VTCN1: variants seen among roughly 807,000 people sequenced by gnomAD.
VTCN1 encodes V-set domain-containing T-cell activation inhibitor 1.
A neutral mutation model predicts 26.5 loss-of-function variants in VTCN1; 26 were observed. That is an observed-to-expected ratio of 0.98 (90% CI 0.72 to 1.36). The LOEUF (loss-of-function observed/expected upper bound fraction) is 1.36, where lower values mean the gene tolerates loss of function less well. Ranked by LOEUF, VTCN1 falls within the 40% of genes most tolerant of loss-of-function variation. The probability of loss-of-function intolerance (pLI) is 0.00; values close to 1 mark genes in which losing one functional copy is unlikely to be tolerated. For synonymous variants in VTCN1, 116 were observed against 130.7 expected (o/e 0.89, Z 0.77); for missense variants, 298 against 337.7 (o/e 0.88, Z 0.92).
At chr1:117,157,059 CAAG>C (rs1652120914) in intron 2 of VTCN1, 138 bp from the exon 3 acceptor site, 1 of 1,480,776 alleles carries the variant, frequency 6.8e-7, no homozygotes, top group Middle Eastern at 1.8e-4. Context: ...AATAAGAAGA[CAAG>C]AAGAGAAAGA....
intron 1 of VTCN1, among the ~76,000 whole-genome samples, chr1:117,189,519 G>C (rs1033733630): frequency 1.3e-5 from 2 of 152,150 alleles, no homozygotes; most frequent in African/African-American, 4.8e-5. Context: ...CAGATGACCT[G>C]CTTTACCCGA....
chr1:117,147,437 T>C lies in VTCN1; in HGVS notation c.*45+176A>G, dbSNP rs1286767153. ...CCTATGGGTCTGTCAATGAAGTCTATGCTGTTTGCTGACCTAACAAATGAT... is the reference window on the plus strand; with the variant it reads ...CCTATGGGTCTGTCAATGAAGTCTACGCTGTTTGCTGACCTAACAAATGAT... On this transcript the variant is annotated intron_variant, in intron 5 of 5. Coordinates refer to ENST00000369458, the MANE Select transcript of VTCN1 (RefSeq NM_024626.4). The surrounding 1 kb of genome is among the most constrained non-coding windows in gnomAD (Gnocchi z 4.6). 3.9e-5 allele frequency among the ~76,000 whole-genome samples: 6 copies of C among 152,224 alleles called. No homozygotes were observed. The highest frequency in any genetic ancestry group is 1.3e-4 in the Admixed American group (2 of 15,280).
chr1:117,205,919 G>A (rs1249082506), intron 1 of VTCN1, among the ~76,000 whole-genome samples: 1 of 152,058 alleles, frequency 6.6e-6, no homozygotes, highest in East Asian at 1.9e-4. Context: ...GTTGTTCTTG[G>A]TGTCAGCAGT....
rs1647789412 is a variant in VTCN1, at chr1:117,183,801, A to T, written c.33-13630T>A. ...ATGCTGAATAAAAAGAAAAAAATAA[A>T]AGACAAAACCACACACACATTTTTG... On this transcript the variant is annotated intron_variant, in intron 1 of 5. Coordinates refer to ENST00000369458, the MANE Select transcript of VTCN1 (RefSeq NM_024626.4). The surrounding 1 kb of genome is among the most constrained non-coding windows in gnomAD (Gnocchi z 4.1). 6.6e-6 allele frequency among the ~76,000 whole-genome samples: 1 copy of T among 152,240 alleles called. No individual in the cohort carries two copies. Among genetic ancestry groups the T allele is most frequent in the Non-Finnish European group, 1.5e-5 (1 of 68,046 alleles).
At position 117,183,697 on chromosome 1, in the gene VTCN1, G is replaced by A. The variant is rs927757972; in HGVS notation, c.33-13526C>T. On this transcript the variant is annotated intron_variant, in intron 1 of 5. Transcript: ENST00000369458. The surrounding 1 kb of genome is among the most constrained non-coding windows in gnomAD (Gnocchi z 4.1). ...GTTTCTCTAAAAGAGAAAGGACATT[G>A]TAGGGAATGAAGAGTTAAATTTCCA... Among the ~76,000 whole-genome samples, 2 of 152,146 alleles carry A rather than the reference G, an allele frequency of 1.3e-5. No individual in the cohort carries two copies. Among genetic ancestry groups the A allele is most frequent in the Non-Finnish European group, 2.9e-5 (2 of 68,028 alleles).
Position 117,196,480 on chromosome 1 carries a change from G to A in VTCN1, c.32+14344C>T, listed in dbSNP as rs557155497. Among the ~76,000 whole-genome samples the A allele has an allele frequency of 2.7e-4, 41 of 151,752 alleles. 1 individual carries two copies. In the South Asian group the frequency reaches 4.2e-3, roughly 15 times the overall value. ...TAGTGGTTATCTCTAGGTTAGGACC[G>A]ATAGATATTTTTTTCCTTTGTGCTT... On this transcript the variant is annotated intron_variant, in intron 1 of 5. Transcript: ENST00000369458.
chr1:117,173,406 GA>G (rs1469017631), intron 1 of VTCN1: 9 of 438,708 alleles, frequency 2.1e-5, no homozygotes, highest in Non-Finnish European at 3.3e-5. Flanking sequence ...ATGTAAAGAT[GA>G]AAGCAGAGAT....
In VTCN1 at chr1:117,146,459, A is replaced by G. The variant is rs1466811350; in HGVS notation, c.*45+1154T>C. Among the ~76,000 whole-genome samples the G allele has an allele frequency of 1.3e-5, 2 of 152,222 alleles. No homozygotes were observed. The highest frequency in any genetic ancestry group is 1.5e-5 in the Non-Finnish European group (1 of 68,028). ...AGCAATGTAGGCAAGGAATACATGT[A>G]CCCTGGAGAGTGTAAGACATAAATC... On this transcript the variant is annotated intron_variant, in intron 5 of 5. Coordinates refer to ENST00000369458, the MANE Select transcript of VTCN1 (RefSeq NM_024626.4). This position sits in a 1 kb window ranked among gnomAD's most constrained non-coding sequence, Gnocchi z 4.2.
intron 1 of VTCN1, among the ~76,000 whole-genome samples, chr1:117,208,580 T>G (rs541760341): frequency 3.0e-4 from 45 of 152,350 alleles, no homozygotes; most frequent in African/African-American, 1.0e-3. Context: ...TATTGTTGAC[T>G]GGAACTTAAC....
chr1:117,153,282 G>A lies in VTCN1; in HGVS notation c.533C>T (p.Thr178Ile), dbSNP rs2101452149. The A allele has an allele frequency of 6.2e-7, 1 of 1,614,120 alleles. No individual in the cohort carries two copies. Among genetic ancestry groups the A allele is most frequent in the Non-Finnish European group, 8.5e-7 (1 of 1,180,012 alleles). ...GTCAACTTGGGATGCCCAGACCACT[G>A]TGGGCTGGGGGAACCATCGGGGAGC... The part of the protein sequence containing the change: ...CEAPRWFPQP[T>I]VVWASQVDQG... The change falls in exon 4 of 6, where the codon ACA becomes ATA. Residue 178 changes from threonine (T) to isoleucine (I), a missense_variant. By Grantham distance (89) the Thr-to-Ile change is moderately conservative. Coordinates refer to ENST00000369458, the MANE Select transcript of VTCN1 (RefSeq NM_024626.4).
intron 2 of VTCN1, among the ~76,000 whole-genome samples, chr1:117,165,399 T>G (rs1353632259): frequency 6.6e-6 from 1 of 152,190 alleles, no homozygotes; most frequent in Non-Finnish European, 1.5e-5. Flanking sequence ...CATGTTGAAA[T>G]ATAATCCCCA....
rs80230388 is a variant in VTCN1, at chr1:117,188,617, A to C, written c.33-18446T>G. Among the ~76,000 whole-genome samples the C allele has an allele frequency of 7.1e-3, 1,088 of 152,330 alleles. 15 individuals carry two copies. The highest frequency in any genetic ancestry group is 0.024 in the African/African-American group (1,002 of 41,568). On this transcript the variant is annotated intron_variant, in intron 1 of 5. Transcript: ENST00000369458. ...AATCACATTTATTTCTCTAAGTGTC[A>C]GACATCATGCCTGACTCATCCTAGG...
At chr1:117,160,936 G>A (rs187765275) in intron 2 of VTCN1, among the ~76,000 whole-genome samples, 1 of 152,246 alleles carries the variant, frequency 6.6e-6, no homozygotes, top group African/African-American at 2.4e-5. Flanking sequence ...GCTACTGATG[G>A]AAGAAAAATT....
Position 117,156,841 on chromosome 1 carries a change from G to C in VTCN1, c.178C>G (p.Pro60Ala). Residue 60 changes from proline (P) to alanine (A), a missense_variant, in exon 3 of 6, where the codon CCT becomes GCT. Pro to Ala is a conservative substitution (Grantham distance 27). Coordinates refer to ENST00000369458, the MANE Select transcript of VTCN1 (RefSeq NM_024626.4). ...EDGILSCTFE[P>A]DIKLSDIVIQ... Reference sequence around the variant, plus strand: ...ACGATATCAGAAAGTTTGATGTCAGGTTCAAAAGTGCAGCTCAGGATTCCA... The same window carrying C: ...ACGATATCAGAAAGTTTGATGTCAGCTTCAAAAGTGCAGCTCAGGATTCCA... The C allele has an allele frequency of 1.9e-6, 3 of 1,614,022 alleles. No individual in the cohort carries two copies. Among genetic ancestry groups the C allele is most frequent in the Non-Finnish European group, 2.5e-6 (3 of 1,180,006 alleles).
chr1:117,143,680 C>T lies in VTCN1; in HGVS notation c.*1591G>A, dbSNP rs1651366501. 6.6e-6 allele frequency: 1 copy of T among 152,108 alleles called. No individual in the cohort carries two copies. Among genetic ancestry groups the T allele is most frequent in the South Asian group, 2.1e-4 (1 of 4,824 alleles). 9.4% of individuals were successfully genotyped at this position (152,108 alleles called of 1,614,324 possible). ...AACATGTAATACAGTCACCGTGGCT[C>T]CAAGGTCCAGGAAGGCAGTGGTTAA... On this transcript the variant is annotated 3_prime_UTR_variant, in exon 6 of 6. Coordinates refer to ENST00000369458, the MANE Select transcript of VTCN1 (RefSeq NM_024626.4).
intron 1 of VTCN1, among the ~76,000 whole-genome samples, chr1:117,187,138 C>G (rs1311272546): frequency 6.6e-6 from 1 of 151,584 alleles, no homozygotes; most frequent in African/African-American, 2.4e-5. Flanking sequence ...AGGTGAAACC[C>G]TGCCTCTACA....
At position 117,147,259 on chromosome 1, in the gene VTCN1, A is replaced by T. The variant is rs1651557776; in HGVS notation, c.*45+354T>A. The stretch of plus-strand genomic sequence containing the variant: ...GGCAGGGAGGGGTTTTATGTGAATG[A>T]TGATATGCTTTATAAATAACAGTGG... On this transcript the variant is annotated intron_variant, in intron 5 of 5. Coordinates refer to ENST00000369458, the MANE Select transcript of VTCN1 (RefSeq NM_024626.4). This position sits in a 1 kb window ranked among gnomAD's most constrained non-coding sequence, Gnocchi z 4.6. Among the ~76,000 whole-genome samples the T allele has an allele frequency of 6.6e-6, 1 of 152,182 alleles. No homozygotes were observed. Among genetic ancestry groups the T allele is most frequent in the South Asian group, 2.1e-4 (1 of 4,830 alleles).
At chr1:117,191,331 C>T (rs1648233843) in intron 1 of VTCN1, among the ~76,000 whole-genome samples, 2 of 152,154 alleles carry the variant, frequency 1.3e-5, no homozygotes, top group Admixed American at 6.6e-5. Flanking sequence ...GAAGGAGAAG[C>T]AAGAGAGAAA....
At chr1:117,187,675 G>A (rs374663954) in intron 1 of VTCN1, among the ~76,000 whole-genome samples, 2 of 152,080 alleles carry the variant, frequency 1.3e-5, no homozygotes, top group East Asian at 3.9e-4. Flanking sequence ...TCTCCTCTAA[G>A]TTTCTCAAGA....
Sources: allele counts gnomAD v4.1 joint callset (sites outside exome capture counted in the v4.1 genomes callset), GRCh38; gene constraint gnomAD v4.1.1; non-coding constraint Gnocchi (gnomAD v3.1); transcripts MANE v1.5; gene names NCBI Gene and HGNC (gene_info 2026-07-23, HGNC 2026-07-21).